GPHN: variants seen among roughly 807,000 people sequenced by gnomAD.
The protein encoded by GPHN is gephyrin.
Under a neutral mutation model 95.5 loss-of-function variants are expected in GPHN, and 17 were observed. The ratio of observed to expected loss-of-function variants is 0.18; its 90% CI spans 0.12 to 0.27. The LOEUF is 0.27. GPHN is among the 10% of genes least tolerant of loss of function. GPHN has a pLI of 1.00. For synonymous variants in GPHN, 320 were observed against 322.5 expected (o/e 0.99, Z 0.08); for missense variants, 660 against 978.1 (o/e 0.67, Z 4.34).
chr14:66,962,043 A>T (rs1262552937), intron 8 of GPHN, among the ~76,000 whole-genome samples: 1 of 149,114 alleles, frequency 6.7e-6, no homozygotes, highest in African/African-American at 2.4e-5. Context: ...AAAACAATGC[A>T]GTTGTCTATC....
the GPHN span, among the ~76,000 whole-genome samples, chr14:67,507,236 C>G: frequency 2.6e-5 from 4 of 152,228 alleles, no homozygotes; most frequent in African/African-American, 9.6e-5. Flanking sequence ...ACAGTCCTAG[C>G]TACTTGGGAG....
At chr14:67,279,531 A>G in the GPHN span, 1 of 1,526,060 alleles carries the variant, frequency 6.6e-7, no homozygotes, top group Non-Finnish European at 8.8e-7. Flanking sequence ...TGCTGTGAAA[A>G]TATTAGGTAA....
chr14:67,078,670 A>G (rs983969224), intron 11 of GPHN, among the ~76,000 whole-genome samples: 3 of 152,156 alleles, frequency 2.0e-5, no homozygotes, highest in Non-Finnish European at 4.4e-5. Context: ...TTGGCTTGAC[A>G]TTGAATGAAG....
At chr14:67,192,874 A>ATAGATATATATCTAGATATCGATATC in the GPHN span, among the ~76,000 whole-genome samples, 2 of 146,648 alleles carry the variant, frequency 1.4e-5, no homozygotes, top group South Asian at 2.1e-4. Flanking sequence ...ATATAGATAT[A>ATAGATATATATCTAGATATCGATATC]TAGATATATA....
At chr14:67,106,856 G>A (rs2078069935) in intron 13 of GPHN, among the ~76,000 whole-genome samples, 1 of 152,074 alleles carries the variant, frequency 6.6e-6, no homozygotes, top group South Asian at 2.1e-4. Context: ...TACTAGAGAT[G>A]TATTCCTTTA....
At chr14:66,524,168 T>C (rs181866629) in intron 1 of GPHN, among the ~76,000 whole-genome samples, 55 of 152,220 alleles carry the variant, frequency 3.6e-4, no homozygotes, top group Non-Finnish European at 5.1e-4. Context: ...AGTTAAAAAG[T>C]TAAAGTACCC....
chr14:67,207,233 T>C, the GPHN span, among the ~76,000 whole-genome samples: 2 of 151,510 alleles, frequency 1.3e-5, no homozygotes, highest in Non-Finnish European at 2.9e-5. Flanking sequence ...CTGTAGGTGG[T>C]AAAGGAAGCA....
chr14:67,470,978 G>T, the GPHN span: 1 of 152,210 alleles, frequency 6.6e-6, no homozygotes, highest in African/African-American at 2.4e-5. Flanking sequence ...AGCAAGAATT[G>T]AAGTCTGGGC....
intron 1 of GPHN, among the ~76,000 whole-genome samples, chr14:66,608,503 A>G (rs1197275649): frequency 6.6e-6 from 1 of 152,074 alleles, no homozygotes; most frequent in Non-Finnish European, 1.5e-5. Context: ...ATTAGGTCCC[A>G]TTGGTGGACT....
the GPHN span, among the ~76,000 whole-genome samples, chr14:67,416,968 C>T: frequency 6.6e-6 from 1 of 152,246 alleles, no homozygotes; most frequent in African/African-American, 2.4e-5. Context: ...TTGGAGACTT[C>T]TACGTCACCC....
the GPHN span, chr14:67,570,148 T>C: frequency 1.4e-6 from 1 of 712,772 alleles, no homozygotes; most frequent in East Asian, 2.7e-5. Context: ...GCCCAGCACG[T>C]GTCATTTTGT....
chr14:67,526,936 AAGG>A, the GPHN span, among the ~76,000 whole-genome samples: 1 of 152,184 alleles, frequency 6.6e-6, no homozygotes, highest in Non-Finnish European at 1.5e-5. Context: ...TGAGCACAAC[AAGG>A]AGAAGTCCTG....
chr14:67,010,730 T>G (rs1253626871), intron 9 of GPHN, among the ~76,000 whole-genome samples: 1 of 152,078 alleles, frequency 6.6e-6, no homozygotes. Flanking sequence ...CTGCAGAGTT[T>G]GATACAATTA....
chr14:67,021,298 G>C (rs1233849470), intron 9 of GPHN, among the ~76,000 whole-genome samples: 1 of 151,934 alleles, frequency 6.6e-6, no homozygotes, highest in Admixed American at 6.6e-5. Flanking sequence ...CCCCAAATCT[G>C]GTTCAAATAG....
At chr14:67,278,335 C>G in the GPHN span, among the ~76,000 whole-genome samples, 1 of 150,260 alleles carries the variant, frequency 6.7e-6, no homozygotes, top group East Asian at 1.9e-4. Flanking sequence ...TGCACCCGGC[C>G]CAATTCTTTT....
intron 1 of GPHN, among the ~76,000 whole-genome samples, chr14:66,587,553 A>G (rs933862562): frequency 2.0e-5 from 3 of 152,244 alleles, no homozygotes; most frequent in Admixed American, 2.0e-4. Flanking sequence ...TATTTCTGGG[A>G]TGCAAGTTTG....
intron 8 of GPHN, among the ~76,000 whole-genome samples, chr14:66,955,316 T>C (rs899341159): frequency 6.6e-6 from 1 of 152,184 alleles, no homozygotes. Flanking sequence ...TATTTCTTCT[T>C]GAGTTGGTTT....
At chr14:67,257,730 A>G in the GPHN span, among the ~76,000 whole-genome samples, 5 of 152,308 alleles carry the variant, frequency 3.3e-5, no homozygotes, top group South Asian at 2.1e-4. Flanking sequence ...TAAGTTTAAG[A>G]AGAAACTGAG....
At chr14:67,255,612 G>C in the GPHN span, among the ~76,000 whole-genome samples, 1 of 152,194 alleles carries the variant, frequency 6.6e-6, no homozygotes, top group Admixed American at 6.5e-5. Context: ...CTTAGGGCTT[G>C]AGAGATAACA....
Sources: gnomAD v4.1 joint callset for allele counts (sites outside exome capture counted in the v4.1 genomes callset) on GRCh38, gnomAD v4.1.1 for gene constraint, MANE v1.5 for transcripts, NCBI Gene and HGNC (gene_info 2026-07-23, HGNC 2026-07-21) for gene names.